NRG3: variants seen among roughly 807,000 people sequenced by gnomAD.
The protein encoded by NRG3 is neuregulin 3.
NRG3 carries 31 observed loss-of-function variants against 66.9 expected under a neutral mutation model. The observed-to-expected ratio is 0.46, with a 90% confidence interval of 0.35 to 0.63. The LOEUF (loss-of-function observed/expected upper bound fraction) is 0.63. Among genes scored for constraint, NRG3 ranks in the 20% least tolerant of loss-of-function variants. The pLI is 0.00. For synonymous variants in NRG3, 393 were observed against 359.4 expected (o/e 1.09, Z -1.06); for missense variants, 910 against 878.9 (o/e 1.04, Z -0.45).
intron 1 of NRG3, among the ~76,000 whole-genome samples, chr10:81,935,756 C>G (rs1021343353): frequency 1.3e-5 from 2 of 152,146 alleles, no homozygotes; most frequent in Non-Finnish European, 2.9e-5. Flanking sequence ...CTCTGAGGAG[C>G]CTTCCTGACC....
intron 1 of NRG3, among the ~76,000 whole-genome samples, chr10:82,085,398 G>A (rs1419840091): frequency 6.6e-6 from 1 of 152,064 alleles, no homozygotes; most frequent in African/African-American, 2.4e-5. Context: ...CTGAGACTGA[G>A]TAATTCATAA....
chr10:82,434,864 T>G (rs894684005), intron 2 of NRG3, among the ~76,000 whole-genome samples: 31 of 152,164 alleles, frequency 2.0e-4, no homozygotes, highest in African/African-American at 7.2e-4. Flanking sequence ...TATTGAGAAT[T>G]TTTGCACTGA....
chr10:82,294,290 T>C (rs2079921978), intron 1 of NRG3, among the ~76,000 whole-genome samples: 1 of 152,210 alleles, frequency 6.6e-6, no homozygotes, highest in Non-Finnish European at 1.5e-5. Context: ...CTTGGATTGA[T>C]CCGAGGTGAA....
At chr10:81,884,835 C>G (rs1842489827) in intron 1 of NRG3, among the ~76,000 whole-genome samples, 1 of 152,224 alleles carries the variant, frequency 6.6e-6, no homozygotes, top group Non-Finnish European at 1.5e-5. Flanking sequence ...TTTGGACATG[C>G]ATATACCTAT....
At chr10:82,438,554 G>A (rs1294254826) in intron 2 of NRG3, among the ~76,000 whole-genome samples, 1 of 152,206 alleles carries the variant, frequency 6.6e-6, no homozygotes, top group Non-Finnish European at 1.5e-5. Flanking sequence ...AGCTGCAGTT[G>A]GTGCTGGTCA....
At chr10:82,148,190 A>G (rs529084998) in intron 1 of NRG3, among the ~76,000 whole-genome samples, 1 of 152,194 alleles carries the variant, frequency 6.6e-6, no homozygotes, top group African/African-American at 2.4e-5. Flanking sequence ...AACTTCTTTG[A>G]GTCAATCCAG....
At chr10:82,912,571 A>G (rs192636343) in intron 4 of NRG3, among the ~76,000 whole-genome samples, 2 of 152,140 alleles carry the variant, frequency 1.3e-5, no homozygotes, top group Non-Finnish European at 2.9e-5. Flanking sequence ...CCTAAAGACA[A>G]TATATACTTT....
intron 1 of NRG3, among the ~76,000 whole-genome samples, chr10:82,046,201 C>A (rs1221576346): frequency 6.8e-6 from 1 of 148,110 alleles, no homozygotes; most frequent in Non-Finnish European, 1.5e-5. Flanking sequence ...TACCCATGAG[C>A]ATGGAATGTT....
chr10:82,352,480 G>A (rs2083495075), intron 1 of NRG3, among the ~76,000 whole-genome samples: 1 of 152,160 alleles, frequency 6.6e-6, no homozygotes. Flanking sequence ...GAAAGAGTGG[G>A]GAGTAGTTCT....
chr10:81,977,275 A>G (rs1240021281), intron 1 of NRG3, among the ~76,000 whole-genome samples: 2 of 152,116 alleles, frequency 1.3e-5, no homozygotes, highest in Non-Finnish European at 2.9e-5. Context: ...ATGTCTGTCT[A>G]CTGCAGTAAG....
intron 2 of NRG3, among the ~76,000 whole-genome samples, chr10:82,715,788 A>T (rs1222642286): frequency 6.6e-6 from 1 of 152,072 alleles, no homozygotes; most frequent in Admixed American, 6.5e-5. Context: ...TAAACAACAG[A>T]TTTTTTTCTC....
chr10:81,980,401 A>T (rs941019822), intron 1 of NRG3, among the ~76,000 whole-genome samples: 2 of 152,176 alleles, frequency 1.3e-5, no homozygotes, highest in African/African-American at 2.4e-5. Context: ...CTTTTGGGGG[A>T]GTCAGATAAT....
chr10:82,377,457 T>TGTGTGTGTGCGC lies in NRG3; in HGVS notation c.953+18590_953+18591insTGTGTGTGCGCG, dbSNP rs57900993. ...GCGCGTGTGTGTGTGTGTGTGTGTGTGCGCGAGCGCACATGCGTGAGTTCA... is the reference window on the plus strand; with the variant it reads ...GCGCGTGTGTGTGTGTGTGTGTGTGTGTGTGTGTGCGCGCGCGAGCGCACATGCGTGAGTTCA... On this transcript the variant is annotated intron_variant, in intron 2 of 8. Coordinates refer to ENST00000372141, the MANE Select transcript of NRG3 (RefSeq NM_001010848.4). 9.4e-4 allele frequency among the ~76,000 whole-genome samples: 142 copies of TGTGTGTGTGCGC among 150,450 alleles called. 1 individual carries two copies. The highest frequency in any genetic ancestry group is 2.3e-3 in the African/African-American group (94 of 40,420).
chr10:82,423,012 G>A (rs1590074120), intron 2 of NRG3, among the ~76,000 whole-genome samples: 1 of 152,060 alleles, frequency 6.6e-6, no homozygotes, highest in East Asian at 1.9e-4. Context: ...TTAGTGCCAA[G>A]CTAAGGTGAC....
intron 7 of NRG3, among the ~76,000 whole-genome samples, chr10:82,974,725 AAG>A (rs1224227694): frequency 6.6e-6 from 1 of 152,226 alleles, no homozygotes; most frequent in African/African-American, 2.4e-5. Context: ...AACAATGAAA[AAG>A]TAAATAACAG....
intron 3 of NRG3, among the ~76,000 whole-genome samples, chr10:82,832,324 T>A (rs938152932): frequency 8.9e-4 from 135 of 152,264 alleles, no homozygotes; most frequent in African/African-American, 3.2e-3. Context: ...GTTCTCAAAC[T>A]CATAACTGAA....
intron 1 of NRG3, among the ~76,000 whole-genome samples, chr10:81,920,181 G>T (rs575516616): frequency 4.6e-5 from 7 of 152,072 alleles, no homozygotes; most frequent in Admixed American, 2.6e-4. Context: ...CAGGGAGCAC[G>T]CTGGGAAAAG....
At chr10:82,811,711 A>G (rs2061498467) in intron 3 of NRG3, among the ~76,000 whole-genome samples, 2 of 152,224 alleles carry the variant, frequency 1.3e-5, no homozygotes. Flanking sequence ...AACTGTGAAC[A>G]TTAATAGGCC....
intron 1 of NRG3, among the ~76,000 whole-genome samples, chr10:81,972,047 G>A (rs1236466291): frequency 1.3e-5 from 2 of 152,074 alleles, no homozygotes; most frequent in Admixed American, 6.6e-5. Flanking sequence ...CCTACCTGTC[G>A]ACTGGAAATT....
Sources: allele counts gnomAD v4.1 joint callset (sites outside exome capture counted in the v4.1 genomes callset), GRCh38; gene constraint gnomAD v4.1.1; transcripts MANE v1.5; gene names NCBI Gene and HGNC (gene_info 2026-07-23, HGNC 2026-07-21).